The following PALS2 variants were observed in gnomAD, a reference collection of about 807,000 sequenced individuals.
PALS2 encodes protein PALS2.
A neutral mutation model predicts 61.6 loss-of-function variants in PALS2; 27 were observed. The observed-to-expected ratio is 0.44, with a 90% CI of 0.32 to 0.60. The LOEUF (loss-of-function observed/expected upper bound fraction) is 0.60. Among genes scored for constraint, PALS2 ranks in the 20% least tolerant of loss-of-function variants. PALS2 has a pLI of 0.05. For missense variants in PALS2, 554 were observed against 639.4 expected (o/e 0.87, Z 1.44); for synonymous variants, 236 against 218.6 (o/e 1.08, Z -0.70).
chr7:24,589,930 T>G (rs1220046723), intron 1 of PALS2, among the ~76,000 whole-genome samples: 3 of 152,202 alleles, frequency 2.0e-5, no homozygotes, highest in Non-Finnish European at 2.9e-5. Context: ...TGTCCTGACC[T>G]GAACACTACT....
At chr7:24,645,422 G>C (rs770687523) in intron 3 of PALS2, among the ~76,000 whole-genome samples, 1 of 152,134 alleles carries the variant, frequency 6.6e-6, no homozygotes, top group Non-Finnish European at 1.5e-5. Flanking sequence ...AGATCAGATA[G>C]TCATAGATGT....
At chr7:24,659,185 C>T (rs1357422614) in intron 5 of PALS2, among the ~76,000 whole-genome samples, 1 of 152,100 alleles carries the variant, frequency 6.6e-6, no homozygotes, top group Non-Finnish European at 1.5e-5. Flanking sequence ...ACATTTTATT[C>T]TTTTTATGGC....
intron 2 of PALS2, among the ~76,000 whole-genome samples, chr7:24,635,885 C>T (rs1785211042): frequency 6.6e-6 from 1 of 151,834 alleles, no homozygotes; most frequent in Non-Finnish European, 1.5e-5. Context: ...TTTGTACATA[C>T]ACACACACAC....
chr7:24,662,669 T>C lies in PALS2; in HGVS notation c.652-921T>C, dbSNP rs557280688. Among the ~76,000 whole-genome samples the C allele has an allele frequency of 4.1e-4, 61 of 149,620 alleles. 1 individual carries two copies. Among genetic ancestry groups the C allele is most frequent in the Middle Eastern group, 3.5e-3 (1 of 284 alleles). On this transcript the variant is annotated intron_variant, in intron 5 of 11. Coordinates refer to ENST00000222644, the MANE Select transcript of PALS2 (RefSeq NM_001303037.2). ...CTGTAATTTCAGCTATTTGGGAGGC[T>C]GAGGCAGGAGAATCACTTGAACCTG...
intron 1 of PALS2, among the ~76,000 whole-genome samples, chr7:24,612,606 A>T (rs1031496032): frequency 4.0e-5 from 6 of 151,820 alleles, no homozygotes; most frequent in Admixed American, 1.3e-4. Flanking sequence ...CATAATTTTA[A>T]TAATTTTCAT....
rs376234635 is a variant in PALS2, at chr7:24,666,107, T to C, written c.952+18T>C. On this transcript the variant is annotated intron_variant, in intron 8 of 11. Coordinates refer to ENST00000222644, the MANE Select transcript of PALS2 (RefSeq NM_001303037.2). ...AAATGCAGGTAGGTTTTAAATACTT[T>C]TTGAGAAGTCCAAGTGAAGTAGCTA... The C allele has an allele frequency of 8.8e-6, 14 of 1,591,102 alleles. No homozygotes were observed. The African/African-American group carries it at 1.9e-4, about 21-fold the overall frequency.
At chr7:24,643,447 A>AT (rs1001084323) in intron 3 of PALS2, among the ~76,000 whole-genome samples, 2 of 152,026 alleles carry the variant, frequency 1.3e-5, no homozygotes, top group African/African-American at 2.4e-5. Flanking sequence ...TACATATATA[A>AT]TTTTTTTACT....
At chr7:24,640,897 A>G (rs1226765665) in intron 2 of PALS2, among the ~76,000 whole-genome samples, 4 of 149,396 alleles carry the variant, frequency 2.7e-5, no homozygotes, top group South Asian at 4.3e-4. Flanking sequence ...AGTCCCAGCT[A>G]CTTGGGAGGC....
chr7:24,687,416 T>G lies in PALS2; in HGVS notation c.1447-22T>G, dbSNP rs1399449545. The G allele has an allele frequency of 6.3e-7, 1 of 1,592,214 alleles. No individual in the cohort carries two copies. The highest frequency in any genetic ancestry group is 2.3e-5 in the East Asian group (1 of 44,438). On this transcript the variant is annotated intron_variant, in intron 11 of 11. Transcript: ENST00000222644. This position sits in a 1 kb window ranked among gnomAD's most constrained non-coding sequence, Gnocchi z 4.5. ...AAATATGCATTGTAATACAAACATTTCCTTTTAAAACTCTTCAACAGGACT... is the reference window on the plus strand; with the variant it reads ...AAATATGCATTGTAATACAAACATTGCCTTTTAAAACTCTTCAACAGGACT...
At chr7:24,600,081 G>C (rs772169273) in intron 1 of PALS2, among the ~76,000 whole-genome samples, 1 of 152,054 alleles carries the variant, frequency 6.6e-6, no homozygotes, top group Non-Finnish European at 1.5e-5. Context: ...ATCTGTTCAT[G>C]GTGGTTTCCT....
At chr7:24,576,958 T>G (rs1448327102) in intron 1 of PALS2, among the ~76,000 whole-genome samples, 1 of 152,190 alleles carries the variant, frequency 6.6e-6, no homozygotes, top group Non-Finnish European at 1.5e-5. Context: ...TGTAATAAAG[T>G]CAAAAGCCTG....
chr7:24,631,627 A>C (rs1242754952), intron 2 of PALS2, among the ~76,000 whole-genome samples: 1 of 152,198 alleles, frequency 6.6e-6, no homozygotes, highest in Non-Finnish European at 1.5e-5. Flanking sequence ...ATTGCATGCT[A>C]TGGAGAAATC....
At chr7:24,647,149 TAA>T in intron 3 of PALS2, among the ~76,000 whole-genome samples, 1 of 150,086 alleles carries the variant, frequency 6.7e-6, no homozygotes, top group Non-Finnish European at 1.5e-5. Flanking sequence ...TTAATTTAAT[TAA>T]TTTTTTTTTT....
At chr7:24,667,840 A>AT (rs1220931200) in intron 8 of PALS2, among the ~76,000 whole-genome samples, 5 of 151,006 alleles carry the variant, frequency 3.3e-5, no homozygotes, top group African/African-American at 1.2e-4. Flanking sequence ...AATTTTTTGT[A>AT]TTTTTTTAGT....
intron 1 of PALS2, among the ~76,000 whole-genome samples, chr7:24,578,843 T>A (rs956222878): frequency 6.6e-6 from 1 of 152,190 alleles, no homozygotes; most frequent in African/African-American, 2.4e-5. Flanking sequence ...CACTCGTCTC[T>A]CCTCTTTTTA....
intron 4 of PALS2, 73 bp from the exon 5 acceptor site, chr7:24,650,412 T>G: frequency 5.8e-6 from 7 of 1,208,792 alleles, no homozygotes; most frequent in Non-Finnish European, 8.1e-6. Flanking sequence ...AATTATTTTC[T>G]TACATATGCT....
At chr7:24,685,793 T>C (rs1034406363) in intron 11 of PALS2, among the ~76,000 whole-genome samples, 2 of 152,254 alleles carry the variant, frequency 1.3e-5, no homozygotes, top group South Asian at 4.2e-4. Context: ...TCAGCTGAAA[T>C]GTAAGTATTA....
chr7:24,664,452 A>G (rs1384051749), intron 6 of PALS2, among the ~76,000 whole-genome samples: 1 of 152,178 alleles, frequency 6.6e-6, no homozygotes, highest in Non-Finnish European at 1.5e-5. Context: ...GAAGTCTGAA[A>G]TGCCTTAAAC....
chr7:24,652,712 G>A (rs767421), intron 5 of PALS2, among the ~76,000 whole-genome samples: 2 of 151,938 alleles, frequency 1.3e-5, no homozygotes, highest in Non-Finnish European at 2.9e-5. Flanking sequence ...GGCATTTTGC[G>A]TCTTCAACTC....
Sources: allele counts gnomAD v4.1 joint callset (sites outside exome capture counted in the v4.1 genomes callset), GRCh38; gene constraint gnomAD v4.1.1; non-coding constraint Gnocchi (gnomAD v3.1); transcripts MANE v1.5; gene names NCBI Gene and HGNC (gene_info 2026-07-23, HGNC 2026-07-21).